NQO1: variants seen among roughly 807,000 people sequenced by gnomAD.
NQO1 encodes the protein NAD(P)H quinone dehydrogenase 1, also known as NAD(P)H dehydrogenase [quinone] 1.
NQO1 carries 30 observed loss-of-function variants against 32.1 expected under a neutral mutation model. That is an observed-to-expected ratio of 0.94 (90% CI 0.70 to 1.27). The LOEUF is 1.27. NQO1 is among the 50% of genes most tolerant of loss of function. The probability of loss-of-function intolerance (pLI) is 0.00; values close to 1 mark genes in which losing one functional copy is unlikely to be tolerated. For synonymous variants in NQO1, 109 were observed against 119.7 expected (o/e 0.91, Z 0.59); for missense variants, 276 against 331.3 (o/e 0.83, Z 1.30).
At chr16:69,711,412 G>T (rs546530249) in intron 5 of NQO1, 131 bp from the exon 6 acceptor site, 3 of 729,006 alleles carry the variant, frequency 4.1e-6, no homozygotes, top group South Asian at 1.9e-5. Context: ...TAGAGAATCA[G>T]TTCAGAGCTA....
At chr16:69,725,849 G>T (rs1464772493) in intron 1 of NQO1, among the ~76,000 whole-genome samples, 1 of 151,460 alleles carries the variant, frequency 6.6e-6, no homozygotes, top group Non-Finnish European at 1.5e-5. Flanking sequence ...ACTACAGCCT[G>T]GGCGACAAGA....
At chr16:69,713,720 C>T (rs1005068435) in intron 4 of NQO1, among the ~76,000 whole-genome samples, 59 of 149,530 alleles carry the variant, frequency 3.9e-4, no homozygotes, top group African/African-American at 1.3e-3. Flanking sequence ...TTTTTTTTTT[C>T]CTGTGAGACA....
intron 1 of NQO1, among the ~76,000 whole-genome samples, chr16:69,723,345 G>A (rs2038218547): frequency 6.6e-6 from 1 of 152,156 alleles, no homozygotes; most frequent in Admixed American, 6.6e-5. Flanking sequence ...CTTTCAAGGA[G>A]CTCAGACTCT....
intron 1 of NQO1, among the ~76,000 whole-genome samples, chr16:69,720,071 G>A (rs975746273): frequency 3.9e-5 from 6 of 152,076 alleles, no homozygotes; most frequent in African/African-American, 1.4e-4. Flanking sequence ...TGGGCAACAT[G>A]ACAAAAGCGA....
chr16:69,711,785 C>T (rs2038045264), intron 5 of NQO1, among the ~76,000 whole-genome samples: 2 of 151,756 alleles, frequency 1.3e-5, no homozygotes, highest in African/African-American at 4.8e-5. Context: ...TCCCGAGTAG[C>T]TGGGATTACA....
At chr16:69,712,856 A>G (rs1013509056) in intron 5 of NQO1, among the ~76,000 whole-genome samples, 172 bp downstream of exon 5, 4 of 152,140 alleles carry the variant, frequency 2.6e-5, no homozygotes, top group Non-Finnish European at 5.9e-5. Flanking sequence ...AAATACAAAA[A>G]TTAGCCGAGT....
In NQO1 at chr16:69,710,032, T is replaced by TA. The variant is rs747680101; in HGVS notation, c.*943dup. 17 of 357,534 alleles carry TA rather than the reference T, an allele frequency of 4.8e-5. 2 individuals carry two copies. Among genetic ancestry groups the TA allele is most frequent in the Admixed American group, 1.9e-4 (4 of 21,458 alleles). The allele number at this position is 357,534 out of a possible 1,614,324, so 22.1% of individuals were successfully genotyped here. On this transcript the variant is annotated 3_prime_UTR_variant, in exon 6 of 6. Transcript: ENST00000320623. ...TTTATTGGTTTATCTCTGCAAACCT[T>TA]AAAGTAGAAGATTGCAAGGGCCAGG...
rs1260197631 is a variant in NQO1, at chr16:69,718,358, A to T, written c.172+12T>A. 1.2e-6 allele frequency: 2 copies of T among 1,613,776 alleles called. No individual in the cohort carries two copies. The highest frequency in any genetic ancestry group is 4.5e-5 in the East Asian group (2 of 44,888). On this transcript the variant is annotated intron_variant, in intron 2 of 5. Transcript: ENST00000320623. ...AGAACTAATTAAAGAGGGGAGGAGGAACTCCTCCTACCTGTGATGTCCTTT... is the reference window on the plus strand; with the variant it reads ...AGAACTAATTAAAGAGGGGAGGAGGTACTCCTCCTACCTGTGATGTCCTTT...
rs1350942968 is a variant in NQO1, at chr16:69,711,211, G to A, written c.590C>T (p.Pro197Leu). 4 of 1,614,152 alleles carry A rather than the reference G, an allele frequency of 2.5e-6. No homozygotes were observed. The highest frequency in any genetic ancestry group is 3.4e-6 in the Non-Finnish European group (4 of 1,180,010). Residue 197 changes from proline to leucine, a missense_variant, in exon 6 of 6, where the codon CCA (proline) becomes CTA (leucine). Pro to Leu is a moderately conservative substitution (Grantham distance 98). Coordinates refer to ENST00000320623, the MANE Select transcript of NQO1 (RefSeq NM_000903.3). ...PQLTYSIGHT[P>L]ADARIQILEG... ...CAGGATTTGAATTCGGGCGTCTGCT[G>A]GAGTGTGCCCAATGCTATATGTCAG...
chr16:69,726,139 C>T (rs2038257925), intron 1 of NQO1, among the ~76,000 whole-genome samples: 1 of 152,176 alleles, frequency 6.6e-6, no homozygotes, highest in Non-Finnish European at 1.5e-5. Flanking sequence ...TGGCCTCTGA[C>T]GGCCAGTTTC....
In NQO1 at chr16:69,718,362, C is replaced by A. The variant is rs1364689009; in HGVS notation, c.172+8G>T. On this transcript the variant is annotated splice_region_variant and intron_variant, in intron 2 of 5. Coordinates refer to ENST00000320623, the MANE Select transcript of NQO1 (RefSeq NM_000903.3). ...CTAATTAAAGAGGGGAGGAGGAACT[C>A]CTCCTACCTGTGATGTCCTTTCTGG... 6.8e-6 allele frequency: 11 copies of A among 1,614,008 alleles called. No homozygotes were observed. The highest frequency in any genetic ancestry group is 9.3e-6 in the Non-Finnish European group (11 of 1,180,012).
At chr16:69,719,059 T>C (rs2151745733) in intron 1 of NQO1, among the ~76,000 whole-genome samples, 1 of 150,656 alleles carries the variant, frequency 6.6e-6, no homozygotes, top group South Asian at 2.1e-4. Flanking sequence ...ATGCTCTGCG[T>C]GACCTGTCAG....
intron 1 of NQO1, among the ~76,000 whole-genome samples, chr16:69,720,137 T>C (rs1382806434): frequency 6.6e-6 from 1 of 152,096 alleles, no homozygotes; most frequent in Non-Finnish European, 1.5e-5. Flanking sequence ...TGTATGCCTG[T>C]AGTCCCAACT....
intron 1 of NQO1, among the ~76,000 whole-genome samples, chr16:69,725,702 C>T (rs1405976363): frequency 6.6e-6 from 1 of 152,084 alleles, no homozygotes; most frequent in Non-Finnish European, 1.5e-5. Flanking sequence ...TGGCGAAACC[C>T]GTCTGTACTA....
chr16:69,710,586 C>T lies in NQO1; in HGVS notation c.*390G>A. Reference sequence around the variant, plus strand: ...AGATTCAGTCTTTTCCTTCTCTGAGCAATTCCCTTCTGCCATAAACTACAG... The same window carrying T: ...AGATTCAGTCTTTTCCTTCTCTGAGTAATTCCCTTCTGCCATAAACTACAG... On this transcript the variant is annotated 3_prime_UTR_variant, in exon 6 of 6. Coordinates refer to ENST00000320623, the MANE Select transcript of NQO1 (RefSeq NM_000903.3). 1 of 179,852 alleles carries T rather than the reference C, an allele frequency of 5.6e-6. No individual in the cohort carries two copies. Among genetic ancestry groups the T allele is most frequent in the Non-Finnish European group, 1.2e-5 (1 of 85,836 alleles). The allele number at this position is 179,852 out of a possible 1,614,324, so 11.1% of individuals were successfully genotyped here. A position where few individuals can be genotyped will look rare whatever the true frequency, so the allele number is the denominator to read the frequency against.
At position 69,710,764 on chromosome 16, in the gene NQO1, G is replaced by C. The variant is rs748973847; in HGVS notation, c.*212C>G. ...TACATCTTTCCCTAAGTGGCCTCTT[G>C]AGCCCAGTCGGATTTTGGTTATATG... On this transcript the variant is annotated 3_prime_UTR_variant, in exon 6 of 6. Coordinates refer to ENST00000320623, the MANE Select transcript of NQO1 (RefSeq NM_000903.3). 8.7e-6 allele frequency: 5 copies of C among 573,894 alleles called. No individual in the cohort carries two copies. The highest frequency in any genetic ancestry group is 1.5e-5 in the Non-Finnish European group (5 of 333,638). The allele number at this position is 573,894 out of a possible 1,614,324, so 35.6% of individuals were successfully genotyped here. A position where few individuals can be genotyped will look rare whatever the true frequency, so the allele number is the denominator to read the frequency against.
chr16:69,710,881 A>G lies in NQO1; in HGVS notation c.*95T>C. ...CTCATTTATTCCTTGTGGAAAAAGA[A>G]AAACACAAATCTTAAAAACTAAAGC... On this transcript the variant is annotated 3_prime_UTR_variant, in exon 6 of 6. Transcript: ENST00000320623. 2 of 1,360,492 alleles carry G rather than the reference A, an allele frequency of 1.5e-6. No individual in the cohort carries two copies. Among genetic ancestry groups the G allele is most frequent in the South Asian group, 2.9e-5 (2 of 69,750 alleles). The allele number at this position is 1,360,492 out of a possible 1,614,324, so 84.3% of individuals were successfully genotyped here.
chr16:69,725,612 C>T (rs1445509940), intron 1 of NQO1, among the ~76,000 whole-genome samples: 1 of 152,162 alleles, frequency 6.6e-6, no homozygotes, highest in Non-Finnish European at 1.5e-5. Context: ...CGGTGGCTCA[C>T]GTCAGTAATC....
At chr16:69,716,434 G>C (rs1466851496) in intron 3 of NQO1, among the ~76,000 whole-genome samples, 2 of 151,654 alleles carry the variant, frequency 1.3e-5, no homozygotes, top group Non-Finnish European at 2.9e-5. Flanking sequence ...GGAGGTTGCA[G>C]TGAGCCGAGA....
Sources: gnomAD v4.1 joint callset for allele counts (sites outside exome capture counted in the v4.1 genomes callset) on GRCh38, gnomAD v4.1.1 for gene constraint, MANE v1.5 for transcripts, NCBI Gene and HGNC (gene_info 2026-07-23, HGNC 2026-07-21) for gene names.